The following FKBP5 variants were observed in gnomAD, a reference collection of about 807,000 sequenced individuals.
The protein encoded by FKBP5 is FKBP prolyl isomerase 5, also known as peptidyl-prolyl cis-trans isomerase FKBP5.
FKBP5 carries 23 observed loss-of-function variants against 50.5 expected under a neutral mutation model. The ratio of observed to expected loss-of-function variants is 0.46; its 90% CI spans 0.33 to 0.65. The LOEUF is 0.65. FKBP5 is among the 30% of genes least tolerant of loss of function. The pLI is 0.02. For synonymous variants in FKBP5, 176 were observed against 190.6 expected, an observed-to-expected ratio of 0.92 and a Z score of 0.63; for missense variants, 411 against 553.1, an observed-to-expected ratio of 0.74 and a Z score of 2.58.
chr6:35,581,257 T>C, intron 8 of FKBP5: 1 of 595,566 alleles, frequency 1.7e-6, no homozygotes, highest in South Asian at 7.5e-5. Flanking sequence ...ATAATATATA[T>C]AAATATAAAC....
chr6:35,627,632 GTTTAA>G (rs1031576719), intron 3 of FKBP5, among the ~76,000 whole-genome samples: 7 of 152,056 alleles, frequency 4.6e-5, no homozygotes, highest in African/African-American at 1.4e-4. Flanking sequence ...TCTAATTTAT[GTTTAA>G]TTTATGATGT....
intron 5 of FKBP5, among the ~76,000 whole-genome samples, chr6:35,615,222 A>G (rs1369840188): frequency 6.6e-6 from 1 of 151,986 alleles, no homozygotes. Flanking sequence ...ATGTATACGT[A>G]TGTATGTTGA....
chr6:35,670,731 C>CA lies in FKBP5; in HGVS notation c.-20+18072dup, dbSNP rs1292414635. Among the ~76,000 whole-genome samples the CA allele has an allele frequency of 3.8e-3, 401 of 105,446 alleles. 2 individuals carry two copies. Among genetic ancestry groups the CA allele is most frequent in the African/African-American group, 7.1e-3 (199 of 27,972 alleles). The allele number at this position is 105,446 out of a possible 152,430, so 69.2% of individuals were successfully genotyped here. On this transcript the variant is annotated intron_variant, in intron 1 of 10. Transcript: ENST00000357266. ...TGGGCAACAAAGCAAGACTCCATCT[C>CA]AAAAAAAAAAAAGAAAGAAAAGAAA...
chr6:35,683,717 C>A (rs1279870576), intron 1 of FKBP5, among the ~76,000 whole-genome samples: 1 of 148,684 alleles, frequency 6.7e-6, no homozygotes, highest in Non-Finnish European at 1.5e-5. Flanking sequence ...GACCTCCTGG[C>A]CTGGCCTATA....
intron 1 of FKBP5, among the ~76,000 whole-genome samples, chr6:35,685,485 A>G (rs183981180): frequency 7.3e-4 from 111 of 151,502 alleles, no homozygotes; most frequent in African/African-American, 2.7e-3. Context: ...TTAAAAAACA[A>G]AATCTACTAA....
chr6:35,645,954 A>G (rs767939418), intron 1 of FKBP5, among the ~76,000 whole-genome samples: 12 of 152,102 alleles, frequency 7.9e-5, no homozygotes, highest in Non-Finnish European at 1.2e-4. Flanking sequence ...CGTCTCTACT[A>G]AAAATACAAA....
At chr6:35,724,106 G>T (rs1766659808) in intron 1 of FKBP5, among the ~76,000 whole-genome samples, 1 of 152,210 alleles carries the variant, frequency 6.6e-6, no homozygotes, top group African/African-American at 2.4e-5. Flanking sequence ...TGACATAATG[G>T]TGGTGCTTTC....
intron 8 of FKBP5, chr6:35,583,305 A>G: frequency 7.1e-6 from 7 of 985,388 alleles, no homozygotes; most frequent in Non-Finnish European, 6.0e-6. Flanking sequence ...GGGAAAGAAA[A>G]GAAGAGCCAG....
At chr6:35,683,669 G>C (rs1014022557) in intron 1 of FKBP5, among the ~76,000 whole-genome samples, 42 of 147,430 alleles carry the variant, frequency 2.8e-4, no homozygotes, top group Non-Finnish European at 5.8e-4. Context: ...AGTAGAGATG[G>C]GGTTTTGCCA....
chr6:35,575,975 A>G (rs773228663), intron 10 of FKBP5, 33 bp from the exon 11 acceptor site: 1 of 1,425,978 alleles, frequency 7.0e-7, no homozygotes, highest in Non-Finnish European at 9.9e-7. Context: ...AGAAGGTTAG[A>G]GAATAAAGAA....
At chr6:35,678,089 A>G (rs1419260506) in intron 1 of FKBP5, among the ~76,000 whole-genome samples, 1 of 152,224 alleles carries the variant, frequency 6.6e-6, no homozygotes, top group African/African-American at 2.4e-5. Flanking sequence ...GTGAAAATCA[A>G]AAGGACAAAA....
At chr6:35,675,111 C>T (rs1765490604) in intron 1 of FKBP5, among the ~76,000 whole-genome samples, 1 of 152,210 alleles carries the variant, frequency 6.6e-6, no homozygotes, top group South Asian at 2.1e-4. Flanking sequence ...TCATTTAATC[C>T]TCACAACAAC....
intron 5 of FKBP5, among the ~76,000 whole-genome samples, chr6:35,608,554 G>C (rs1763399844): frequency 6.6e-6 from 1 of 152,048 alleles, no homozygotes; most frequent in Non-Finnish European, 1.5e-5. Context: ...AGTTAGCTGG[G>C]TGTGCACCTG....
Position 35,620,146 on chromosome 6 carries a change from T to G in FKBP5, c.379A>C (p.Thr127Pro), listed in dbSNP as rs145385432. 5 of 1,613,792 alleles carry G rather than the reference T, an allele frequency of 3.1e-6. No individual in the cohort carries two copies. In the East Asian group the frequency reaches 6.7e-5, roughly 22 times the overall value. Residue 127 changes from threonine to proline, a missense_variant, in exon 4 of 11, where the codon ACT becomes CCT. Physicochemically the swap from Thr to Pro is conservative, Grantham distance 38. Coordinates refer to ENST00000357266, the MANE Select transcript of FKBP5 (RefSeq NM_004117.4). ...CACATACTTGCCTCAAAAAAGAGAGTTGCATTCGAGGGAATTTTAGGGAGA... is the reference window on the plus strand; with the variant it reads ...CACATACTTGCCTCAAAAAAGAGAGGTGCATTCGAGGGAATTTTAGGGAGA... ...GSLPKIPSNA[T>P]LFFEIELLDF... is the part of the protein sequence containing the mutation.
At chr6:35,718,268 G>A (rs933038725) in intron 2 of FKBP5, among the ~76,000 whole-genome samples, 6 of 152,192 alleles carry the variant, frequency 3.9e-5, no homozygotes, top group East Asian at 1.9e-4. Flanking sequence ...GTGTGCTCGC[G>A]AGAGCCAGAG....
At chr6:35,722,143 T>C (rs1452827060) in intron 1 of FKBP5, among the ~76,000 whole-genome samples, 1 of 152,092 alleles carries the variant, frequency 6.6e-6, no homozygotes, top group Non-Finnish European at 1.5e-5. Context: ...TTTGCACATA[T>C]TGTGATCTGA....
chr6:35,666,089 C>CAT (rs1380171765), intron 1 of FKBP5, among the ~76,000 whole-genome samples: 2 of 151,956 alleles, frequency 1.3e-5, no homozygotes, highest in Non-Finnish European at 2.9e-5. Context: ...AGCCAAGGAA[C>CAT]ATATATATTA....
chr6:35,672,823 G>C (rs899410585), intron 1 of FKBP5, among the ~76,000 whole-genome samples: 2 of 151,784 alleles, frequency 1.3e-5, no homozygotes, highest in African/African-American at 4.8e-5. Context: ...CAAGCTAGTC[G>C]GGGGGCTGAG....
chr6:35,634,048 A>T (rs1336096086), intron 3 of FKBP5, among the ~76,000 whole-genome samples: 1 of 152,124 alleles, frequency 6.6e-6, no homozygotes, highest in East Asian at 1.9e-4. Flanking sequence ...ATTCCAGGAA[A>T]CTCATTCACC....
Sources: gnomAD v4.1 joint callset for allele counts (sites outside exome capture counted in the v4.1 genomes callset) on GRCh38, gnomAD v4.1.1 for gene constraint, MANE v1.5 for transcripts, NCBI Gene and HGNC (gene_info 2026-07-23, HGNC 2026-07-21) for gene names.